The following CSTPP1 variants were observed in gnomAD, a reference collection of about 807,000 sequenced individuals.
CSTPP1 encodes UPF0705 protein C11orf49.
At chr11:47,072,581 A>T in the CSTPP1 span, among the ~76,000 whole-genome samples, 1 of 152,202 alleles carries the variant, frequency 6.6e-6, no homozygotes, top group Admixed American at 6.5e-5. Flanking sequence ...ATAACAAAAC[A>T]TATAAGGATT....
At chr11:46,958,209 A>G in the CSTPP1 span, among the ~76,000 whole-genome samples, 1 of 152,090 alleles carries the variant, frequency 6.6e-6, no homozygotes, top group Admixed American at 6.5e-5. Flanking sequence ...TTTGTTGTCC[A>G]GGCTGGTCTT....
the CSTPP1 span, among the ~76,000 whole-genome samples, chr11:47,045,101 G>A: frequency 6.6e-6 from 1 of 152,202 alleles, no homozygotes; most frequent in African/African-American, 2.4e-5. Context: ...GAGTTTGACA[G>A]CAGTTTGCTT....
chr11:47,115,846 T>C, the CSTPP1 span, among the ~76,000 whole-genome samples: 1 of 152,194 alleles, frequency 6.6e-6, no homozygotes, highest in Admixed American at 6.5e-5. Flanking sequence ...TAGTTATTTC[T>C]TGCCTTCTGC....
At chr11:46,977,900 G>T in the CSTPP1 span, among the ~76,000 whole-genome samples, 1 of 152,290 alleles carries the variant, frequency 6.6e-6, no homozygotes, top group Admixed American at 6.5e-5. Flanking sequence ...AGGAACAGTA[G>T]TAAAAAGGCA....
At chr11:47,009,837 A>G in the CSTPP1 span, among the ~76,000 whole-genome samples, 1 of 151,916 alleles carries the variant, frequency 6.6e-6, no homozygotes, top group African/African-American at 2.4e-5. Flanking sequence ...AAAAAGGAAG[A>G]GGAAGAAAGG....
the CSTPP1 span, among the ~76,000 whole-genome samples, chr11:47,066,094 T>G: frequency 2.2e-4 from 8 of 36,860 alleles, no homozygotes; most frequent in African/African-American, 1.1e-3. Context: ...GCCTTGTGGG[T>G]TTTTTTTTTT....
At chr11:47,151,401 A>C in the CSTPP1 span, among the ~76,000 whole-genome samples, 1 of 76,628 alleles carries the variant, frequency 1.3e-5, no homozygotes, top group Non-Finnish European at 2.6e-5. Flanking sequence ...ACTCCATCTC[A>C]AAAAAAAAAA....
At chr11:47,074,303 C>T in the CSTPP1 span, among the ~76,000 whole-genome samples, 1 of 151,960 alleles carries the variant, frequency 6.6e-6, no homozygotes, top group Non-Finnish European at 1.5e-5. Context: ...AATTTGAGAC[C>T]AGCCTGGGCA....
At chr11:47,161,623 C>A in the CSTPP1 span, 1 of 1,613,042 alleles carries the variant, frequency 6.2e-7, no homozygotes, top group Non-Finnish European at 8.5e-7. Context: ...AAGAGACAGA[C>A]GAGTCGGAGA....
chr11:46,952,663 T>C, the CSTPP1 span, among the ~76,000 whole-genome samples: 1 of 152,210 alleles, frequency 6.6e-6, no homozygotes, highest in Non-Finnish European at 1.5e-5. Flanking sequence ...CTGAGTTCAG[T>C]TGCTCCCTTT....
chr11:47,103,200 C>T, the CSTPP1 span, among the ~76,000 whole-genome samples: 1 of 151,890 alleles, frequency 6.6e-6, no homozygotes, highest in Non-Finnish European at 1.5e-5. Context: ...GAGTTCAAGA[C>T]CAGCCTGGGC....
the CSTPP1 span, among the ~76,000 whole-genome samples, chr11:47,122,068 T>TAAA: frequency 5.7e-4 from 3 of 5,278 alleles, no homozygotes; most frequent in African/African-American, 3.6e-3. Flanking sequence ...AGACCCTGTC[T>TAAA]CAAAAAAAAA....
the CSTPP1 span, among the ~76,000 whole-genome samples, chr11:47,096,803 G>T: frequency 7.3e-6 from 1 of 136,314 alleles, no homozygotes; most frequent in African/African-American, 2.7e-5. Flanking sequence ...CAATGTTAAG[G>T]CCCAGCAGAA....
At chr11:46,940,834 A>T in the CSTPP1 span, among the ~76,000 whole-genome samples, 3 of 152,202 alleles carry the variant, frequency 2.0e-5, no homozygotes, top group African/African-American at 7.2e-5. Context: ...CCAGTACTCA[A>T]TGAATATATG....
the CSTPP1 span, chr11:47,154,833 C>T: frequency 2.6e-6 from 1 of 383,074 alleles, no homozygotes; most frequent in Non-Finnish European, 4.8e-6. Context: ...GAAAAGAAAC[C>T]TTGGCTGCAT....
chr11:47,110,551 G>T, the CSTPP1 span, among the ~76,000 whole-genome samples: 1 of 152,142 alleles, frequency 6.6e-6, no homozygotes, highest in Non-Finnish European at 1.5e-5. Context: ...AGTAGGTTAG[G>T]TCAGGGTCAT....
chr11:47,038,891 C>T, the CSTPP1 span, among the ~76,000 whole-genome samples: 1 of 122,564 alleles, frequency 8.2e-6, no homozygotes, highest in Admixed American at 8.6e-5. Flanking sequence ...AGACGCTCCT[C>T]ACATCCCGGA....
the CSTPP1 span, among the ~76,000 whole-genome samples, chr11:47,073,827 T>G: frequency 6.6e-6 from 1 of 152,198 alleles, no homozygotes; most frequent in East Asian, 1.9e-4. Flanking sequence ...AAAAATATTT[T>G]GTAATTATTC....
At chr11:46,937,266 G>T in the CSTPP1 span, among the ~76,000 whole-genome samples, 1 of 152,116 alleles carries the variant, frequency 6.6e-6, no homozygotes, top group Admixed American at 6.6e-5. Flanking sequence ...TTCTTCATTT[G>T]AATTTCTCAA....
Sources: allele counts gnomAD v4.1 joint callset (sites outside exome capture counted in the v4.1 genomes callset), GRCh38; gene constraint gnomAD v4.1.1; transcripts MANE v1.5; gene names NCBI Gene and HGNC (gene_info 2026-07-23, HGNC 2026-07-21).